MACROD2: variants seen among roughly 807,000 people sequenced by gnomAD.
MACROD2 encodes mono-ADP ribosylhydrolase 2, also known as ADP-ribose glycohydrolase MACROD2.
In MACROD2, 36 loss-of-function variants were observed where a neutral mutation model predicts 70.4. That is an observed-to-expected ratio of 0.51 (90% confidence interval 0.39 to 0.68). The LOEUF is 0.68. Among genes scored for constraint, MACROD2 ranks in the 30% least tolerant of loss-of-function variants. The pLI is 0.00. For missense variants in MACROD2, 496 were observed against 538.4 expected (o/e 0.92, Z 0.78); for synonymous variants, 172 against 178.8 (o/e 0.96, Z 0.30).
intron 5 of MACROD2, among the ~76,000 whole-genome samples, chr20:15,228,252 C>T (rs2076927691): frequency 6.6e-6 from 1 of 152,062 alleles, no homozygotes; most frequent in Admixed American, 6.5e-5. Context: ...GTGGTTCTCA[C>T]TTTAAAAGTA....
chr20:15,294,267 C>G (rs2077566993), intron 6 of MACROD2, among the ~76,000 whole-genome samples: 1 of 152,090 alleles, frequency 6.6e-6, no homozygotes, highest in African/African-American at 2.4e-5. Flanking sequence ...TGGGACATCT[C>G]CAGGTGACCT....
intron 12 of MACROD2, among the ~76,000 whole-genome samples, chr20:15,941,639 T>G (rs1158564953): frequency 6.6e-6 from 1 of 152,196 alleles, no homozygotes; most frequent in African/African-American, 2.4e-5. Flanking sequence ...CTGGGCTATT[T>G]TAGAGCTCTG....
chr20:15,903,038 G>T (rs952471436), intron 10 of MACROD2, among the ~76,000 whole-genome samples: 1 of 152,130 alleles, frequency 6.6e-6, no homozygotes, highest in Non-Finnish European at 1.5e-5. Context: ...AGCATAAAGG[G>T]GTAAGCCAGG....
chr20:15,100,562 A>G (rs1003417477), intron 5 of MACROD2, among the ~76,000 whole-genome samples: 1 of 152,182 alleles, frequency 6.6e-6, no homozygotes, highest in African/African-American at 2.4e-5. Context: ...CATAAGCAGA[A>G]AGTTATCTCT....
At chr20:15,414,080 T>A (rs1237726638) in intron 6 of MACROD2, among the ~76,000 whole-genome samples, 1 of 152,188 alleles carries the variant, frequency 6.6e-6, no homozygotes, top group African/African-American at 2.4e-5. Flanking sequence ...ATCATTAGAT[T>A]TTTTTAAGTA....
chr20:15,137,649 T>C (rs942525524), intron 5 of MACROD2, among the ~76,000 whole-genome samples: 22 of 151,464 alleles, frequency 1.5e-4, no homozygotes, highest in Non-Finnish European at 2.5e-4. Context: ...GCATGTCACA[T>C]GTATACATAT....
At chr20:13,996,575 T>C (rs1737614470) in intron 1 of MACROD2, 1 of 152,232 alleles carries the variant, frequency 6.6e-6, no homozygotes, top group Non-Finnish European at 1.5e-5. Context: ...ATTTTGTGCG[T>C]ATAAGGTTTA....
chr20:15,965,675 T>C (rs931349290), intron 12 of MACROD2, among the ~76,000 whole-genome samples: 1 of 152,208 alleles, frequency 6.6e-6, no homozygotes, highest in African/African-American at 2.4e-5. Flanking sequence ...TTTTAAATCA[T>C]TGTATATTTT....
chr20:14,769,089 C>A (rs928807133), intron 5 of MACROD2, among the ~76,000 whole-genome samples: 1 of 151,994 alleles, frequency 6.6e-6, no homozygotes, highest in Non-Finnish European at 1.5e-5. Context: ...ACCCTTAAGA[C>A]CTAACCATTG....
chr20:15,752,181 C>T (rs6043512), intron 8 of MACROD2, among the ~76,000 whole-genome samples: 1 of 149,722 alleles, frequency 6.7e-6, no homozygotes, highest in African/African-American at 2.5e-5. Flanking sequence ...CAGCTCTTCC[C>T]TAGTTAATCT....
intron 3 of MACROD2, among the ~76,000 whole-genome samples, chr20:14,244,612 T>A (rs2081954886): frequency 6.6e-6 from 1 of 152,232 alleles, no homozygotes; most frequent in African/African-American, 2.4e-5. Flanking sequence ...GTCCTTTTTC[T>A]GGCCTCCTTT....
At chr20:15,535,176 T>A (rs1006465335) in intron 8 of MACROD2, among the ~76,000 whole-genome samples, 1 of 152,126 alleles carries the variant, frequency 6.6e-6, no homozygotes, top group African/African-American at 2.4e-5. Flanking sequence ...GGGGTCATGC[T>A]ATGTTGCCCA....
intron 6 of MACROD2, among the ~76,000 whole-genome samples, chr20:15,340,168 T>C (rs1417287126): frequency 7.5e-6 from 1 of 133,244 alleles, no homozygotes; most frequent in African/African-American, 2.9e-5. Flanking sequence ...AGATGGAGTC[T>C]GGCTCTGTCA....
chr20:15,484,230 A>G (rs2047136700), intron 7 of MACROD2, among the ~76,000 whole-genome samples: 1 of 152,076 alleles, frequency 6.6e-6, no homozygotes, highest in Admixed American at 6.6e-5. Context: ...TAAGTCTTGT[A>G]AGTTTTTCTT....
At chr20:15,108,353 A>G (rs17357550) in intron 5 of MACROD2, among the ~76,000 whole-genome samples, 32,855 of 152,198 alleles carry the variant, frequency 0.22, 4,877 homozygotes, top group Non-Finnish European at 0.33. Flanking sequence ...GCATGGCTAT[A>G]TGGAACTCAA....
At chr20:14,392,490 C>T (rs73254899) in intron 3 of MACROD2, among the ~76,000 whole-genome samples, 286 of 152,220 alleles carry the variant, frequency 1.9e-3, no homozygotes, top group African/African-American at 6.3e-3. Context: ...TATGCAGAAG[C>T]TGGACTTTGC....
intron 8 of MACROD2, among the ~76,000 whole-genome samples, chr20:15,622,972 T>C (rs570602245): frequency 6.6e-6 from 1 of 152,332 alleles, no homozygotes; most frequent in African/African-American, 2.4e-5. Context: ...TCTTGGAACA[T>C]ATCCTTCACA....
At chr20:14,446,246 T>A (rs6074741) in intron 3 of MACROD2, among the ~76,000 whole-genome samples, 1 of 151,834 alleles carries the variant, frequency 6.6e-6, no homozygotes, top group Non-Finnish European at 1.5e-5. Flanking sequence ...GTATAAATAA[T>A]AAATATTTTC....
intron 8 of MACROD2, among the ~76,000 whole-genome samples, chr20:15,706,127 C>T (rs1468703786): frequency 6.6e-6 from 1 of 152,128 alleles, no homozygotes; most frequent in East Asian, 1.9e-4. Flanking sequence ...TGTTTGAGCT[C>T]AGAGGAAATA....
Sources: allele counts gnomAD v4.1 joint callset (sites outside exome capture counted in the v4.1 genomes callset), GRCh38; gene constraint gnomAD v4.1.1; transcripts MANE v1.5; gene names NCBI Gene and HGNC (gene_info 2026-07-23, HGNC 2026-07-21).